Variants in ARB2A observed in about 807,000 individuals in gnomAD.
The protein encoded by ARB2A is cotranscriptional regulator ARB2A.
chr5:93,800,099 T>C, the ARB2A span, among the ~76,000 whole-genome samples: 1 of 152,108 alleles, frequency 6.6e-6, no homozygotes, highest in South Asian at 2.1e-4. Context: ...AAATAATTTC[T>C]AATTGAAGTA....
At chr5:94,066,227 A>C in the ARB2A span, among the ~76,000 whole-genome samples, 3,586 of 152,168 alleles carry the variant, frequency 0.024, 60 homozygotes, top group Non-Finnish European at 0.035. Context: ...GCAATAAATG[A>C]CTACATCAAA....
At chr5:93,759,628 A>G in the ARB2A span, among the ~76,000 whole-genome samples, 2 of 152,242 alleles carry the variant, frequency 1.3e-5, no homozygotes, top group Non-Finnish European at 2.9e-5. Context: ...CCACATAAAC[A>G]GAATTAAAAA....
chr5:94,106,990 A>AG, the ARB2A span, among the ~76,000 whole-genome samples: 1 of 151,526 alleles, frequency 6.6e-6, no homozygotes, highest in African/African-American at 2.4e-5. Flanking sequence ...TTCAGGGTGG[A>AG]GGTTGGGAAG....
At chr5:94,058,807 T>C in the ARB2A span, among the ~76,000 whole-genome samples, 2 of 152,164 alleles carry the variant, frequency 1.3e-5, no homozygotes, top group East Asian at 3.9e-4. Flanking sequence ...CCAAATCTCA[T>C]GTTGAAATGT....
At chr5:94,013,455 C>T in the ARB2A span, among the ~76,000 whole-genome samples, 4 of 152,098 alleles carry the variant, frequency 2.6e-5, no homozygotes, top group African/African-American at 4.8e-5. Flanking sequence ...GGATTACAGG[C>T]GTGAGACATC....
chr5:93,808,532 A>T, the ARB2A span, among the ~76,000 whole-genome samples: 1 of 151,946 alleles, frequency 6.6e-6, no homozygotes, highest in Non-Finnish European at 1.5e-5. Context: ...CCTATCACCA[A>T]AGATTATTCT....
chr5:94,079,472 AAG>A, the ARB2A span, among the ~76,000 whole-genome samples: 4 of 152,186 alleles, frequency 2.6e-5, no homozygotes, highest in Non-Finnish European at 4.4e-5. Context: ...CTCAGATGTT[AAG>A]GGGTAGCTGA....
At chr5:93,707,695 C>A in the ARB2A span, among the ~76,000 whole-genome samples, 8 of 151,798 alleles carry the variant, frequency 5.3e-5, no homozygotes, top group South Asian at 1.7e-3. Context: ...CTGCCTCAGC[C>A]TCCCAAATAG....
At chr5:93,805,996 G>A in the ARB2A span, 2 of 935,010 alleles carry the variant, frequency 2.1e-6, no homozygotes, top group Non-Finnish European at 2.6e-6. Flanking sequence ...TTTATATCTA[G>A]TAGAAGCTTA....
the ARB2A span, among the ~76,000 whole-genome samples, chr5:93,723,415 T>G: frequency 2.0e-5 from 3 of 152,078 alleles, no homozygotes; most frequent in Non-Finnish European, 1.5e-5. Context: ...TTCAAATAAC[T>G]TCAGCCAAAT....
chr5:93,637,656 G>A, the ARB2A span, among the ~76,000 whole-genome samples: 4 of 152,162 alleles, frequency 2.6e-5, no homozygotes, highest in South Asian at 4.1e-4. Flanking sequence ...TTGAAGTTAG[G>A]TAGACTGATT....
chr5:93,683,673 C>G, the ARB2A span: 4 of 1,608,012 alleles, frequency 2.5e-6, no homozygotes, highest in African/African-American at 4.0e-5. Context: ...AAAGATAGTT[C>G]TGGGGCCTCA....
the ARB2A span, among the ~76,000 whole-genome samples, chr5:93,885,065 A>C: frequency 6.6e-6 from 1 of 151,586 alleles, no homozygotes; most frequent in South Asian, 2.1e-4. Context: ...ACAAAATGTC[A>C]CTAGTTAAAT....
the ARB2A span, among the ~76,000 whole-genome samples, chr5:93,943,091 C>A: frequency 6.6e-6 from 1 of 151,970 alleles, no homozygotes; most frequent in Non-Finnish European, 1.5e-5. Flanking sequence ...TATGAGCATC[C>A]CTATGTATAC....
the ARB2A span, among the ~76,000 whole-genome samples, chr5:93,776,772 C>A: frequency 6.6e-6 from 1 of 151,712 alleles, no homozygotes; most frequent in African/African-American, 2.4e-5. Flanking sequence ...AGGGAGACCC[C>A]GTCTCAAAAA....
the ARB2A span, among the ~76,000 whole-genome samples, chr5:93,708,470 A>G: frequency 1.3e-5 from 2 of 151,946 alleles, no homozygotes; most frequent in Non-Finnish European, 2.9e-5. Flanking sequence ...GGAGTGGGGG[A>G]TGGTTTCAGG....
At chr5:94,046,296 G>A in the ARB2A span, among the ~76,000 whole-genome samples, 9 of 151,810 alleles carry the variant, frequency 5.9e-5, no homozygotes, top group African/African-American at 9.7e-5. Context: ...CAAATACAAC[G>A]CTTTACCTCC....
At chr5:93,742,592 C>T in the ARB2A span, among the ~76,000 whole-genome samples, 5 of 152,148 alleles carry the variant, frequency 3.3e-5, no homozygotes, top group African/African-American at 9.7e-5. Flanking sequence ...GCACAATGAC[C>T]TTGGCTAGAC....
At chr5:93,874,535 T>C in the ARB2A span, among the ~76,000 whole-genome samples, 1 of 152,212 alleles carries the variant, frequency 6.6e-6, no homozygotes, top group African/African-American at 2.4e-5. Flanking sequence ...CCTTGCTCTA[T>C]GCATTTCTTC....
Sources: allele counts gnomAD v4.1 joint callset (sites outside exome capture counted in the v4.1 genomes callset), GRCh38; gene constraint gnomAD v4.1.1; transcripts MANE v1.5; gene names NCBI Gene and HGNC (gene_info 2026-07-23, HGNC 2026-07-21).